AGMO: variants seen among roughly 807,000 people sequenced by gnomAD.
AGMO encodes the protein glyceryl-ether monooxygenase.
A neutral mutation model predicts 60.2 loss-of-function variants in AGMO; 75 were observed. The ratio of observed to expected loss-of-function variants is 1.25; its 90% CI spans 1.03 to 1.51. The LOEUF (loss-of-function observed/expected upper bound fraction) is 1.51, where lower values mean the gene tolerates loss of function less well. Ranked by LOEUF, AGMO falls within the 40% of genes most tolerant of loss-of-function variation. The pLI, the probability that AGMO is intolerant of heterozygous loss-of-function variation, is 0.00. For missense variants in AGMO, 763 were observed against 525.5 expected, an observed-to-expected ratio of 1.45 and a Z score of -4.42; for synonymous variants, 261 against 177.1, an observed-to-expected ratio of 1.47 and a Z score of -3.76.
chr7:15,484,886 A>G (rs1348505191), intron 3 of AGMO, among the ~76,000 whole-genome samples: 2 of 152,144 alleles, frequency 1.3e-5, no homozygotes, highest in Non-Finnish European at 2.9e-5. Context: ...TAGTTTTATG[A>G]TTTCTGCAAA....
At position 15,416,571 on chromosome 7, in the gene AGMO, A is replaced by T. The variant is rs187891740; in HGVS notation, c.609+1987T>A. 4.6e-3 allele frequency among the ~76,000 whole-genome samples: 705 copies of T among 152,248 alleles called. 2 individuals carry two copies. Among genetic ancestry groups the T allele is most frequent in the South Asian group, 0.013 (63 of 4,824 alleles). On this transcript the variant is annotated intron_variant, in intron 5 of 12. Coordinates refer to ENST00000342526, the MANE Select transcript of AGMO (RefSeq NM_001004320.2). Reference sequence around the variant, plus strand: ...CCCCTTAGAGTGAGAACTGATTTTTATGGATGTTAGGAGAAGTGAAACAAT... The same window carrying T: ...CCCCTTAGAGTGAGAACTGATTTTTTTGGATGTTAGGAGAAGTGAAACAAT...
At chr7:15,305,076 G>A (rs533154997) in intron 12 of AGMO, among the ~76,000 whole-genome samples, 6 of 151,914 alleles carry the variant, frequency 3.9e-5, no homozygotes, top group African/African-American at 1.4e-4. Flanking sequence ...AAATAAAAGT[G>A]TTACTAGAAG....
intron 12 of AGMO, among the ~76,000 whole-genome samples, chr7:15,228,219 G>C (rs1397472555): frequency 1.3e-5 from 2 of 151,880 alleles, no homozygotes; most frequent in Non-Finnish European, 2.9e-5. Context: ...ACTTTGGTGG[G>C]CAAGTGATTA....
intron 10 of AGMO, among the ~76,000 whole-genome samples, chr7:15,385,098 A>C (rs1292852036): frequency 2.0e-5 from 3 of 152,316 alleles, no homozygotes; most frequent in African/African-American, 7.2e-5. Context: ...AAGTATGTTG[A>C]AACTGATGAA....
the AGMO span, among the ~76,000 whole-genome samples, chr7:15,121,988 T>C: frequency 3.8e-3 from 571 of 152,222 alleles, 5 homozygotes; most frequent in Admixed American, 0.011. Flanking sequence ...ATTCAGGACA[T>C]ATGCATGGAC....
chr7:15,375,522 G>C (rs1783415763), intron 10 of AGMO, among the ~76,000 whole-genome samples: 1 of 150,748 alleles, frequency 6.6e-6, no homozygotes, highest in Non-Finnish European at 1.5e-5. Flanking sequence ...TCAGCCTCCA[G>C]AGTAGCTGGG....
At chr7:15,214,875 C>T (rs1021516715) in intron 12 of AGMO, among the ~76,000 whole-genome samples, 2 of 151,914 alleles carry the variant, frequency 1.3e-5, no homozygotes, top group Non-Finnish European at 2.9e-5. Context: ...TTTGCCTTCT[C>T]GGACATAAAA....
intron 12 of AGMO, among the ~76,000 whole-genome samples, chr7:15,236,399 T>C (rs1051756456): frequency 6.6e-6 from 1 of 152,166 alleles, no homozygotes; most frequent in Non-Finnish European, 1.5e-5. Flanking sequence ...ATAATGATTA[T>C]GTGTTTATTA....
At chr7:15,268,913 G>A (rs1298215109) in intron 12 of AGMO, among the ~76,000 whole-genome samples, 1 of 152,050 alleles carries the variant, frequency 6.6e-6, no homozygotes, top group Admixed American at 6.6e-5. Context: ...TAGTAGTCAT[G>A]ACTGTTGAAG....
At chr7:15,216,911 GA>G (rs1404210087) in intron 12 of AGMO, among the ~76,000 whole-genome samples, 1 of 151,620 alleles carries the variant, frequency 6.6e-6, no homozygotes, top group Non-Finnish European at 1.5e-5. Flanking sequence ...TTGGCAATGT[GA>G]AATATAGATG....
intron 12 of AGMO, among the ~76,000 whole-genome samples, chr7:15,252,280 T>A (rs1307191051): frequency 6.6e-6 from 1 of 152,230 alleles, no homozygotes; most frequent in African/African-American, 2.4e-5. Context: ...GGTGGTCAAG[T>A]GTGATGGGAA....
At chr7:15,285,406 C>T (rs971297765) in intron 12 of AGMO, among the ~76,000 whole-genome samples, 5 of 152,060 alleles carry the variant, frequency 3.3e-5, no homozygotes, top group African/African-American at 1.2e-4. Flanking sequence ...GTACACAAAT[C>T]AGTAGCACTT....
At chr7:15,386,293 G>C (rs556265405) in intron 9 of AGMO, among the ~76,000 whole-genome samples, 2 of 152,154 alleles carry the variant, frequency 1.3e-5, no homozygotes, top group African/African-American at 4.8e-5. Flanking sequence ...GGAAACTTTG[G>C]AGAAGTTTTT....
At chr7:15,427,732 C>T (rs1018612602) in intron 4 of AGMO, among the ~76,000 whole-genome samples, 6 of 151,872 alleles carry the variant, frequency 4.0e-5, no homozygotes, top group African/African-American at 1.5e-4. Context: ...ATTCTTAAGA[C>T]ATGATAGTAG....
At chr7:15,421,211 A>G (rs1160183733) in intron 4 of AGMO, among the ~76,000 whole-genome samples, 2 of 152,060 alleles carry the variant, frequency 1.3e-5, no homozygotes, top group African/African-American at 2.4e-5. Flanking sequence ...GAATCCATGA[A>G]TCCCTTGATG....
In AGMO at chr7:15,365,502, C is replaced by G. The variant is rs1562460891; in HGVS notation, c.1263+12G>C. 10 of 1,590,368 alleles carry G rather than the reference C, an allele frequency of 6.3e-6. No homozygotes were observed. The highest frequency in any genetic ancestry group is 3.3e-5 in the South Asian group (3 of 90,134). On this transcript the variant is annotated intron_variant, in intron 12 of 12. Transcript: ENST00000342526. ...ATACGCCATCCTGTGGCTACCTAAA[C>G]AAATGTCTTACCTCAAAAGCAGATG...
At chr7:15,364,470 T>C (rs1274001629) in intron 12 of AGMO, among the ~76,000 whole-genome samples, 1 of 152,106 alleles carries the variant, frequency 6.6e-6, no homozygotes, top group African/African-American at 2.4e-5. Context: ...TTATTATAGA[T>C]GCATATTTTA....
intron 2 of AGMO, among the ~76,000 whole-genome samples, chr7:15,553,341 A>C (rs1299105338): frequency 6.6e-6 from 1 of 151,472 alleles, no homozygotes; most frequent in Non-Finnish European, 1.5e-5. Flanking sequence ...AAATAAATAA[A>C]TAAAATAAAA....
At chr7:15,312,383 G>A (rs183254069) in intron 12 of AGMO, among the ~76,000 whole-genome samples, 34 of 152,110 alleles carry the variant, frequency 2.2e-4, no homozygotes, top group African/African-American at 8.0e-4. Context: ...CAGAACAAGG[G>A]GAAAATAAAA....
Sources: allele counts gnomAD v4.1 joint callset (sites outside exome capture counted in the v4.1 genomes callset), GRCh38; gene constraint gnomAD v4.1.1; transcripts MANE v1.5; gene names NCBI Gene and HGNC (gene_info 2026-07-23, HGNC 2026-07-21).